KDM4C: variants seen among roughly 807,000 people sequenced by gnomAD.
KDM4C encodes the protein lysine-specific demethylase 4C.
Under a neutral mutation model 129.3 loss-of-function variants are expected in KDM4C, and 81 were observed. That is an observed-to-expected ratio of 0.63 (90% CI 0.52 to 0.75). The LOEUF (loss-of-function observed/expected upper bound fraction) is 0.75, where lower values mean the gene tolerates loss of function less well. Among genes scored for constraint, KDM4C ranks in the 30% least tolerant of loss-of-function variants. The pLI is 0.00. For missense variants in KDM4C, 1,457 were observed against 1,304.0 expected, an observed-to-expected ratio of 1.12 and a Z score of -1.81; for synonymous variants, 573 against 456.1, an observed-to-expected ratio of 1.26 and a Z score of -3.26.
At chr9:7,130,138 G>A (rs1296631346) in intron 19 of KDM4C, among the ~76,000 whole-genome samples, 1 of 152,188 alleles carries the variant, frequency 6.6e-6, no homozygotes, top group South Asian at 2.1e-4. Context: ...GCCTTCTCTT[G>A]TGAAGACTGT....
chr9:7,093,191 C>T (rs1322627481), intron 17 of KDM4C, among the ~76,000 whole-genome samples: 1 of 151,966 alleles, frequency 6.6e-6, no homozygotes, highest in Non-Finnish European at 1.5e-5. Context: ...CTGTTGTGGC[C>T]ACCCCTCTTT....
intron 1 of KDM4C, among the ~76,000 whole-genome samples, chr9:6,722,605 C>T (rs1816992107): frequency 6.6e-6 from 1 of 151,740 alleles, no homozygotes; most frequent in South Asian, 2.1e-4. Flanking sequence ...CCTCTGCCTC[C>T]CAGGTTCAAG....
At chr9:6,734,994 G>A (rs1049835514) in intron 1 of KDM4C, 2 of 556,016 alleles carry the variant, frequency 3.6e-6, no homozygotes, top group Non-Finnish European at 7.1e-6. Context: ...CAAGTTGATA[G>A]GGTTTGGGTA....
chr9:6,807,709 G>C (rs1378888486), intron 3 of KDM4C, among the ~76,000 whole-genome samples: 1 of 148,480 alleles, frequency 6.7e-6, no homozygotes, highest in Non-Finnish European at 1.5e-5. Context: ...TGAGAAGTGA[G>C]GAGCCTCTCC....
At chr9:6,832,201 G>T (rs950714905) in intron 4 of KDM4C, among the ~76,000 whole-genome samples, 2 of 151,206 alleles carry the variant, frequency 1.3e-5, no homozygotes, top group African/African-American at 4.9e-5. Flanking sequence ...TTAGCCGGGC[G>T]TGGTGGTGGG....
intron 1 of KDM4C, among the ~76,000 whole-genome samples, chr9:6,749,688 T>C (rs1818005761): frequency 6.6e-6 from 1 of 150,698 alleles, no homozygotes; most frequent in Admixed American, 6.7e-5. Context: ...AAAAATAAAA[T>C]TAAAAAAAGG....
chr9:6,765,668 G>A lies in KDM4C; in HGVS notation c.-18+7465G>A, dbSNP rs574465832. On this transcript the variant is annotated intron_variant, in intron 1 of 21. Coordinates refer to ENST00000381309, the MANE Select transcript of KDM4C (RefSeq NM_015061.6). ...ACATATATGCAAAAATGAAGGAACTGTAAAACCAGGACACGCATTGGGAAA... is the reference window on the plus strand; with the variant it reads ...ACATATATGCAAAAATGAAGGAACTATAAAACCAGGACACGCATTGGGAAA... Among the ~76,000 whole-genome samples the A allele has an allele frequency of 1.1e-3, 170 of 152,304 alleles. 3 individuals carry two copies. The highest frequency in any genetic ancestry group is 6.8e-3 in the Middle Eastern group (2 of 294).
chr9:7,113,642 G>T (rs1369779061), intron 18 of KDM4C, among the ~76,000 whole-genome samples: 9 of 152,172 alleles, frequency 5.9e-5, no homozygotes, highest in Non-Finnish European at 1.0e-4. Context: ...ACGAAAGAAG[G>T]CAAGAGAGTT....
chr9:6,871,439 T>G (rs1035415496), intron 5 of KDM4C, among the ~76,000 whole-genome samples: 3 of 152,212 alleles, frequency 2.0e-5, no homozygotes, highest in African/African-American at 7.2e-5. Flanking sequence ...ATAAAAGACT[T>G]CAGTTTTAAA....
At chr9:6,811,944 C>G (rs1357259083) in intron 3 of KDM4C, among the ~76,000 whole-genome samples, 1 of 152,070 alleles carries the variant, frequency 6.6e-6, no homozygotes, top group Non-Finnish European at 1.5e-5. Flanking sequence ...GAAGGACAGT[C>G]CATTAGGAAG....
At chr9:6,822,897 T>A (rs1297320025) in intron 4 of KDM4C, among the ~76,000 whole-genome samples, 1 of 152,238 alleles carries the variant, frequency 6.6e-6, no homozygotes, top group East Asian at 1.9e-4. Context: ...TCTCTTTTTT[T>A]CTGTGTGTGA....
intron 17 of KDM4C, among the ~76,000 whole-genome samples, chr9:7,088,436 A>G (rs1420286039): frequency 2.0e-5 from 3 of 152,224 alleles, no homozygotes; most frequent in Non-Finnish European, 4.4e-5. Flanking sequence ...TTGACCCACA[A>G]TCTGCTTAGG....
intron 6 of KDM4C, among the ~76,000 whole-genome samples, chr9:6,886,932 CTTGAGTTA>C (rs1252023518): frequency 2.6e-5 from 4 of 152,144 alleles, no homozygotes; most frequent in East Asian, 1.9e-4. Context: ...TGGTCACGTT[CTTGAGTTA>C]TCTGCATAGA....
chr9:7,148,789 C>T (rs1412572016), intron 19 of KDM4C, among the ~76,000 whole-genome samples: 1 of 152,156 alleles, frequency 6.6e-6, no homozygotes, highest in African/African-American at 2.4e-5. Context: ...CAGGTAGTCC[C>T]AAGGAGTGTC....
intron 1 of KDM4C, among the ~76,000 whole-genome samples, chr9:6,725,382 C>T (rs1025217929): frequency 6.6e-6 from 1 of 151,894 alleles, no homozygotes; most frequent in Non-Finnish European, 1.5e-5. Context: ...TGCTTATAAC[C>T]TTTATGATAT....
intron 8 of KDM4C, among the ~76,000 whole-genome samples, chr9:6,952,685 C>G (rs1828388980): frequency 6.6e-6 from 1 of 152,072 alleles, no homozygotes; most frequent in South Asian, 2.1e-4. Context: ...AGTTGATTCA[C>G]CTGCCTTGGC....
Position 6,950,653 on chromosome 9 carries a change from C to T in KDM4C, c.922-30272C>T, listed in dbSNP as rs369177457. ...ATACTGATTAAACTCAAAACTAGCT[C>T]TTCTAGCTAGCCAATGTTCCCTCCT... is the stretch of plus-strand genomic sequence containing the variant. On this transcript the variant is annotated intron_variant, in intron 8 of 21. Coordinates refer to ENST00000381309, the MANE Select transcript of KDM4C (RefSeq NM_015061.6). Among the ~76,000 whole-genome samples, 212 of 152,292 alleles carry T rather than the reference C, an allele frequency of 1.4e-3. 1 individual carries two copies. The highest frequency in any genetic ancestry group is 2.3e-3 in the South Asian group (11 of 4,830).
intron 12 of KDM4C, among the ~76,000 whole-genome samples, chr9:7,011,325 C>G (rs1000111034): frequency 1.3e-5 from 2 of 152,306 alleles, no homozygotes; most frequent in African/African-American, 4.8e-5. Flanking sequence ...GTGAATTCCT[C>G]TCATAACTAG....
chr9:7,143,826 A>T lies in KDM4C; in HGVS notation c.2781+15590A>T, dbSNP rs192612301. 4.2e-3 allele frequency among the ~76,000 whole-genome samples: 639 copies of T among 152,312 alleles called. 6 individuals carry two copies. Among genetic ancestry groups the T allele is most frequent in the African/African-American group, 0.015 (612 of 41,562 alleles). ...GCTATCTGTCTGTCATTTTTGACAGAGTAGTCTCTGTTGAAATGCTGGTAG... is the reference window on the plus strand; with the variant it reads ...GCTATCTGTCTGTCATTTTTGACAGTGTAGTCTCTGTTGAAATGCTGGTAG... On this transcript the variant is annotated intron_variant, in intron 19 of 21. Coordinates refer to ENST00000381309, the MANE Select transcript of KDM4C (RefSeq NM_015061.6).
Sources: allele counts gnomAD v4.1 joint callset (sites outside exome capture counted in the v4.1 genomes callset), GRCh38; gene constraint gnomAD v4.1.1; transcripts MANE v1.5; gene names NCBI Gene and HGNC (gene_info 2026-07-23, HGNC 2026-07-21).